NFE2L2: variants seen among roughly 807,000 people sequenced by gnomAD.
NFE2L2 encodes nuclear factor erythroid 2-related factor 2.
In NFE2L2, 20 loss-of-function variants were observed where a neutral mutation model predicts 49.6. The observed-to-expected ratio is 0.40, with a 90% CI of 0.28 to 0.59. The LOEUF is 0.59. Ranked by LOEUF, NFE2L2 falls within the 20% of genes least tolerant of loss-of-function variation. NFE2L2 has a pLI of 0.40. For synonymous variants in NFE2L2, 244 were observed against 256.5 expected, an observed-to-expected ratio of 0.95 and a Z score of 0.47; for missense variants, 578 against 714.2, an observed-to-expected ratio of 0.81 and a Z score of 2.17.
intron 1 of NFE2L2, among the ~76,000 whole-genome samples, chr2:177,245,736 A>T (rs1456952671): frequency 6.6e-6 from 1 of 151,906 alleles, no homozygotes; most frequent in Non-Finnish European, 1.5e-5. Context: ...CAGCCTCCCG[A>T]GTAGTTGGGA....
chr2:177,252,668 G>A (rs1162822917), intron 1 of NFE2L2, among the ~76,000 whole-genome samples: 1 of 150,016 alleles, frequency 6.7e-6, no homozygotes. Flanking sequence ...TATTTTTAAA[G>A]CACAGGAACA....
At position 177,263,773 on chromosome 2, in the gene NFE2L2, G is replaced by GCCCGAA. The variant is rs1690832987; in HGVS notation, c.45+753_45+758dup. ...CGAGGGGCCAACTCCGGGTGCCCGAGCCCGAACCCCTCCCCGGCCGAGAAA... is the reference window on the plus strand; with the variant it reads ...CGAGGGGCCAACTCCGGGTGCCCGAGCCCGAACCCGAACCCCTCCCCGGCCGAGAAA... On this transcript the variant is annotated intron_variant, in intron 1 of 4. Transcript: ENST00000397062. The GCCCGAA allele has an allele frequency of 4.1e-6, 4 of 985,508 alleles. No individual in the cohort carries two copies. The South Asian group carries it at 1.9e-4, about 46-fold the overall frequency. 61.0% of individuals were successfully genotyped at this position (985,508 alleles called of 1,614,324 possible).
chr2:177,255,974 T>TCC (rs1422056671), intron 1 of NFE2L2: 1 of 154,622 alleles, frequency 6.5e-6, no homozygotes, highest in Admixed American at 6.5e-5. Context: ...ACTCTCATTT[T>TCC]TTAAGGAAAA....
At chr2:177,245,260 G>A (rs1318571167) in intron 1 of NFE2L2, among the ~76,000 whole-genome samples, 1 of 151,890 alleles carries the variant, frequency 6.6e-6, no homozygotes, top group Non-Finnish European at 1.5e-5. Context: ...CAACTGGAAG[G>A]GACCACAGGA....
chr2:177,250,495 C>T (rs1019037338), intron 1 of NFE2L2, among the ~76,000 whole-genome samples: 4 of 152,212 alleles, frequency 2.6e-5, no homozygotes, highest in Admixed American at 2.0e-4. Context: ...CACCATTTAT[C>T]TTGTACTTTC....
At chr2:177,237,218 G>C (rs1045933422) in intron 1 of NFE2L2, among the ~76,000 whole-genome samples, 5 of 152,186 alleles carry the variant, frequency 3.3e-5, no homozygotes, top group African/African-American at 1.2e-4. Flanking sequence ...TGGAACCAGA[G>C]GCTGCATGGG....
At chr2:177,263,994 CAAGG>C (rs1410294121) in intron 1 of NFE2L2, 2 of 972,440 alleles carry the variant, frequency 2.1e-6, no homozygotes, top group Non-Finnish European at 1.2e-6. Context: ...AGCCCGCACT[CAAGG>C]AGGTCTTGGG....
At chr2:177,236,830 CG>C (rs766351763) in intron 1 of NFE2L2, among the ~76,000 whole-genome samples, 39 of 151,986 alleles carry the variant, frequency 2.6e-4, no homozygotes, top group Non-Finnish European at 4.4e-4. Context: ...GTTATTTTTT[CG>C]GGTTTTTTTT....
intron 1 of NFE2L2, among the ~76,000 whole-genome samples, chr2:177,260,467 A>G (rs996331321): frequency 4.6e-5 from 7 of 152,236 alleles, no homozygotes; most frequent in Non-Finnish European, 7.3e-5. Context: ...TAATTTTGAG[A>G]TGTACTATTC....
At chr2:177,251,893 C>G in intron 1 of NFE2L2, among the ~76,000 whole-genome samples, 1 of 150,626 alleles carries the variant, frequency 6.6e-6, no homozygotes, top group East Asian at 2.0e-4. Flanking sequence ...GTAGTCCCAG[C>G]TACTCAGGAG....
chr2:177,240,471 T>A (rs1689903993), intron 1 of NFE2L2, among the ~76,000 whole-genome samples: 1 of 152,118 alleles, frequency 6.6e-6, no homozygotes, highest in Non-Finnish European at 1.5e-5. Context: ...GTGTCTGAAT[T>A]TTTTTTGCTC....
chr2:177,237,484 G>A (rs1423039243), intron 1 of NFE2L2, among the ~76,000 whole-genome samples: 1 of 152,188 alleles, frequency 6.6e-6, no homozygotes, highest in Non-Finnish European at 1.5e-5. Context: ...GGTTATCATG[G>A]GAGACAGAAA....
intron 1 of NFE2L2, among the ~76,000 whole-genome samples, chr2:177,246,843 C>G (rs928494097): frequency 1.3e-5 from 2 of 150,482 alleles, no homozygotes; most frequent in African/African-American, 4.9e-5. Context: ...AGCAATCCTC[C>G]GGCTTCAGCC....
chr2:177,262,431 A>G (rs1011317803), intron 1 of NFE2L2, among the ~76,000 whole-genome samples: 4 of 152,228 alleles, frequency 2.6e-5, no homozygotes, highest in African/African-American at 9.6e-5. Context: ...CAGAAGGTGA[A>G]AAACTATATC....
Position 177,231,747 on chromosome 2 carries a change from A to G in NFE2L2, c.856T>C (p.Tyr286His). 1 of 1,614,224 alleles carries G rather than the reference A, an allele frequency of 6.2e-7. No individual in the cohort carries two copies. Among genetic ancestry groups the G allele is most frequent in the Non-Finnish European group, 8.5e-7 (1 of 1,180,034 alleles). The change falls in exon 5 of 5, where the codon TAT becomes CAT. Residue 286 changes from tyrosine (Y) to histidine (H), a missense_variant. By Grantham distance (83) the Tyr-to-His change is moderately conservative. Around this residue, in one of 3 missense-constraint regions of NFE2L2, gnomAD observed 368 missense variants for 384.6 expected, o/e 0.96. Transcript: ENST00000397062. Reference sequence around the variant, plus strand: ...CTGGGCTCAGCTATGAAAGCAGAATAAAATTCATCACCAAAATCTGTGTTG... The same window carrying G: ...CTGGGCTCAGCTATGAAAGCAGAATGAAATTCATCACCAAAATCTGTGTTG... Reference protein sequence around the residue: ...TVNTDFGDEFYSAFIAEPSIS... With the variant: ...TVNTDFGDEFHSAFIAEPSIS...
At chr2:177,255,969 C>T (rs1157289920) in intron 1 of NFE2L2, 2 of 154,424 alleles carry the variant, frequency 1.3e-5, no homozygotes, top group Non-Finnish European at 2.9e-5. Context: ...AAAAAACTCT[C>T]ATTTTTTAAG....
rs556165535 is a variant in NFE2L2, at chr2:177,253,777, G to A, written c.45+10755C>T. 1.3e-5 allele frequency among the ~76,000 whole-genome samples: 2 copies of A among 152,152 alleles called. 1 individual carries two copies. The highest frequency in any genetic ancestry group is 4.8e-5 in the African/African-American group (2 of 41,504). On this transcript the variant is annotated intron_variant, in intron 1 of 4. Transcript: ENST00000397062. ...GGATATGCTACCGGAAATAAAGTAC[G>A]ATATCTTAAGAACTATTAACACTCA...
intron 1 of NFE2L2, among the ~76,000 whole-genome samples, chr2:177,244,232 G>GCACGGGTT (rs1472309308): frequency 6.6e-6 from 1 of 151,796 alleles, no homozygotes; most frequent in African/African-American, 2.4e-5. Context: ...ACCCGGGGAG[G>GCACGGGTT]CAGAGGTTGC....
chr2:177,262,462 G>A (rs952833356), intron 1 of NFE2L2, among the ~76,000 whole-genome samples: 4 of 152,102 alleles, frequency 2.6e-5, no homozygotes, highest in Admixed American at 1.3e-4. Context: ...TTCACACCTG[G>A]AGAGTTTTTT....
Sources: gnomAD v4.1 joint callset for allele counts (sites outside exome capture counted in the v4.1 genomes callset) on GRCh38, gnomAD v4.1.1 for gene constraint, gnomAD v4.1.1 regional missense constraint, MANE v1.5 for transcripts, NCBI Gene and HGNC (gene_info 2026-07-23, HGNC 2026-07-21) for gene names.